The following FOXP2 variants were observed in gnomAD, a reference collection of about 807,000 sequenced individuals.
FOXP2 encodes forkhead box P2, also known as forkhead box protein P2.
FOXP2 carries 12 observed loss-of-function variants against 115.8 expected under a neutral mutation model. The observed-to-expected ratio is 0.10, with a 90% CI of 0.07 to 0.17. FOXP2 has a LOEUF of 0.17. Among genes scored for constraint, FOXP2 ranks in the 10% least tolerant of loss-of-function variants. FOXP2 has a pLI of 1.00. For missense variants in FOXP2, 629 were observed against 843.5 expected, an observed-to-expected ratio of 0.75 and a Z score of 3.15; for synonymous variants, 328 against 297.7, an observed-to-expected ratio of 1.10 and a Z score of -1.05.
chr7:114,548,127 C>G (rs923584297), intron 3 of FOXP2, among the ~76,000 whole-genome samples: 1 of 152,150 alleles, frequency 6.6e-6, no homozygotes, highest in African/African-American at 2.4e-5. Context: ...AGATAACTCT[C>G]CTTCCTCCAA....
chr7:114,492,699 A>T (rs148053644), intron 2 of FOXP2, among the ~76,000 whole-genome samples: 133 of 152,242 alleles, frequency 8.7e-4, no homozygotes, highest in African/African-American at 3.1e-3. Flanking sequence ...CAGGTTGTTC[A>T]GTTTCCATGC....
chr7:114,244,764 GT>G, intron 1 of FOXP2, among the ~76,000 whole-genome samples: 1 of 149,522 alleles, frequency 6.7e-6, no homozygotes, highest in East Asian at 1.9e-4. Flanking sequence ...TTCTAATAGT[GT>G]TTTCTTTTTT....
At chr7:114,248,472 A>G (rs1795348832) in intron 1 of FOXP2, among the ~76,000 whole-genome samples, 1 of 152,218 alleles carries the variant, frequency 6.6e-6, no homozygotes. Flanking sequence ...TAAAATGGAA[A>G]AAAACTCAAT....
At chr7:114,683,961 G>A (rs1233334074) in intron 16 of FOXP2, among the ~76,000 whole-genome samples, 3 of 152,134 alleles carry the variant, frequency 2.0e-5, no homozygotes, top group Non-Finnish European at 2.9e-5. Flanking sequence ...GTGGCATAAT[G>A]AAATAAATAA....
chr7:114,271,977 A>T (rs866849254), intron 1 of FOXP2, among the ~76,000 whole-genome samples: 1 of 134,088 alleles, frequency 7.5e-6, no homozygotes, highest in Non-Finnish European at 1.5e-5. Flanking sequence ...TATATAATAT[A>T]ATTATATATA....
intron 1 of FOXP2, among the ~76,000 whole-genome samples, chr7:114,272,255 A>G (rs896157655): frequency 6.6e-6 from 1 of 150,974 alleles, no homozygotes; most frequent in Non-Finnish European, 1.5e-5. Context: ...ATGGTATATA[A>G]TTTTTACACA....
chr7:114,099,494 C>T (rs1343966727), intron 1 of FOXP2, among the ~76,000 whole-genome samples: 2 of 152,120 alleles, frequency 1.3e-5, no homozygotes, highest in Admixed American at 6.5e-5. Flanking sequence ...ATAGAACTAT[C>T]ATATGACCCA....
At chr7:114,250,024 C>A (rs1481432905) in intron 1 of FOXP2, among the ~76,000 whole-genome samples, 3 of 149,732 alleles carry the variant, frequency 2.0e-5, no homozygotes, top group Non-Finnish European at 4.4e-5. Context: ...GTTCAATTAC[C>A]ACCTAAGAGT....
At chr7:114,238,593 C>T (rs553054032) in intron 1 of FOXP2, among the ~76,000 whole-genome samples, 10 of 151,984 alleles carry the variant, frequency 6.6e-5, no homozygotes, top group Non-Finnish European at 1.3e-4. Context: ...GTCAACATGG[C>T]GAAACCCATC....
At chr7:114,228,582 A>G (rs570558297) in intron 1 of FOXP2, among the ~76,000 whole-genome samples, 2 of 152,096 alleles carry the variant, frequency 1.3e-5, no homozygotes, top group South Asian at 4.1e-4. Context: ...ATAGTAGTAC[A>G]GATGAACAAG....
intron 2 of FOXP2, among the ~76,000 whole-genome samples, chr7:114,514,656 C>G (rs986404181): frequency 6.6e-6 from 1 of 151,056 alleles, no homozygotes; most frequent in Non-Finnish European, 1.5e-5. Flanking sequence ...GCAATAGGAG[C>G]TCACATATTT....
At chr7:114,500,034 T>G (rs556356495) in intron 2 of FOXP2, among the ~76,000 whole-genome samples, 1 of 151,878 alleles carries the variant, frequency 6.6e-6, no homozygotes, top group East Asian at 1.9e-4. Flanking sequence ...GCTAACACGG[T>G]GAAACCCCGT....
At chr7:114,679,608 C>CAA (rs1807972680) in intron 16 of FOXP2, among the ~76,000 whole-genome samples, 1 of 152,148 alleles carries the variant, frequency 6.6e-6, no homozygotes, top group Non-Finnish European at 1.5e-5. Context: ...CACACACACA[C>CAA]AAACACACAC....
chr7:114,659,278 A>G (rs188410693), intron 11 of FOXP2, 78 bp from the exon 12 acceptor site: 3 of 1,045,962 alleles, frequency 2.9e-6, no homozygotes, highest in East Asian at 5.0e-5. Flanking sequence ...CTTTACCAAT[A>G]CTAGAGGAAA....
At chr7:114,252,287 C>T (rs955282173) in intron 1 of FOXP2, among the ~76,000 whole-genome samples, 7 of 152,234 alleles carry the variant, frequency 4.6e-5, no homozygotes, top group African/African-American at 1.7e-4. Context: ...GCTTTGGTAT[C>T]AGGATGATGC....
At chr7:114,103,393 T>C (rs1052490971) in intron 1 of FOXP2, among the ~76,000 whole-genome samples, 1 of 152,082 alleles carries the variant, frequency 6.6e-6, no homozygotes, top group Non-Finnish European at 1.5e-5. Flanking sequence ...TTATTTACAG[T>C]GGCTCTTTAG....
At chr7:114,200,979 AC>A (rs1794046373) in intron 1 of FOXP2, among the ~76,000 whole-genome samples, 1 of 152,044 alleles carries the variant, frequency 6.6e-6, no homozygotes, top group Admixed American at 6.6e-5. Context: ...ACATGGTGAA[AC>A]CCTGTTTCTA....
chr7:114,284,923 A>G (rs533845056), intron 1 of FOXP2, among the ~76,000 whole-genome samples: 2 of 152,328 alleles, frequency 1.3e-5, no homozygotes, highest in South Asian at 4.1e-4. Context: ...AAACTAATGC[A>G]GGAACAGAAA....
chr7:114,644,780 A>G lies in FOXP2; in HGVS notation c.1085A>G (p.Gln362Arg), dbSNP rs1805780007. 1 of 1,611,250 alleles carries G rather than the reference A, an allele frequency of 6.2e-7. No individual in the cohort carries two copies. The highest frequency in any genetic ancestry group is 8.5e-7 in the Non-Finnish European group (1 of 1,178,106). Reference sequence around the variant, plus strand: ...GAAAGCATTTGTGAAGATTTTGGACAGTTTTTAAAGTAGGTTTTTTACTTT... The same window carrying G: ...GAAAGCATTTGTGAAGATTTTGGACGGTTTTTAAAGTAGGTTTTTTACTTT... The part of the protein sequence containing the change: ...GCESICEDFG[Q>R]FLKHLNNEHA... The change falls in exon 8 of 17, where the codon CAG (glutamine) becomes CGG (arginine). Residue 362 changes from glutamine to arginine, a missense_variant. Gln to Arg is a conservative substitution (Grantham distance 43). Coordinates refer to ENST00000350908, the MANE Select transcript of FOXP2 (RefSeq NM_014491.4).
Sources: gnomAD v4.1 joint callset for allele counts (sites outside exome capture counted in the v4.1 genomes callset) on GRCh38, gnomAD v4.1.1 for gene constraint, MANE v1.5 for transcripts, NCBI Gene and HGNC (gene_info 2026-07-23, HGNC 2026-07-21) for gene names.